ZC3H7A: variants seen among roughly 807,000 people sequenced by gnomAD.
ZC3H7A encodes the protein zinc finger CCCH domain-containing protein 7A.
ZC3H7A carries 44 observed loss-of-function variants against 125.5 expected under a neutral mutation model. The ratio of observed to expected loss-of-function variants is 0.35; its 90% CI spans 0.28 to 0.45. ZC3H7A has a LOEUF of 0.45. Among genes scored for constraint, ZC3H7A ranks in the 20% least tolerant of loss-of-function variants. The probability of loss-of-function intolerance (pLI) is 1.00; values close to 1 mark genes in which losing one functional copy is unlikely to be tolerated. For missense variants in ZC3H7A, 977 were observed against 1,170.7 expected (o/e 0.83, Z 2.41); for synonymous variants, 399 against 391.2 (o/e 1.02, Z -0.23).
rs922374303 is a variant in ZC3H7A at position 11,783,982 on chromosome 16, A to AG, written c.-34-1595dup. Among the ~76,000 whole-genome samples, 426 of 133,612 alleles carry AG rather than the reference A, an allele frequency of 3.2e-3. 2 individuals are homozygous for AG. The highest frequency in any genetic ancestry group is 9.6e-3 in the African/African-American group (357 of 37,130). 87.7% of individuals were successfully genotyped at this position (133,612 alleles called of 152,430 possible). On this transcript the variant is annotated intron_variant, in intron 1 of 22. Transcript: ENST00000355758. ...TAAAATACTCCAGTAACAACAAAAAAGGGGGGGGCTGTGAGGTGGGGAGGA... is the reference window on the plus strand; with the variant it reads ...TAAAATACTCCAGTAACAACAAAAAAGGGGGGGGGCTGTGAGGTGGGGAGGA...
intron 1 of ZC3H7A, among the ~76,000 whole-genome samples, chr16:11,790,227 A>C (rs897631769): frequency 1.8e-4 from 28 of 152,316 alleles, no homozygotes; most frequent in African/African-American, 6.5e-4. Context: ...CCAGGCATCA[A>C]ATGTGTGCAT....
intron 9 of ZC3H7A, among the ~76,000 whole-genome samples, chr16:11,772,305 G>C (rs1310266034): frequency 6.6e-6 from 1 of 151,660 alleles, no homozygotes; most frequent in Non-Finnish European, 1.5e-5. Flanking sequence ...TGAAGATTGA[G>C]ACAACCTCTC....
chr16:11,769,710 CA>C (rs529124830), intron 10 of ZC3H7A, among the ~76,000 whole-genome samples: 78 of 32,552 alleles, frequency 2.4e-3, no homozygotes, highest in Admixed American at 4.7e-3. Flanking sequence ...GACTCTGTCT[CA>C]AAAAAAAAAA....
chr16:11,769,002 G>A (rs201263197), intron 11 of ZC3H7A, 29 bp downstream of exon 11: 1 of 1,575,508 alleles, frequency 6.3e-7, no homozygotes, highest in African/African-American at 1.4e-5. Flanking sequence ...TTCAAGCGAT[G>A]TATTTACAAA....
intron 1 of ZC3H7A, among the ~76,000 whole-genome samples, chr16:11,789,399 C>T (rs373044366): frequency 1.1e-4 from 17 of 152,124 alleles, no homozygotes; most frequent in African/African-American, 3.9e-4. Context: ...GGATTACAGG[C>T]GCACGTCACC....
chr16:11,768,400 T>G lies in ZC3H7A; in HGVS notation c.1275A>C (p.Lys425Asn). The G allele has an allele frequency of 1.3e-6, 2 of 1,598,272 alleles. No individual in the cohort carries two copies. The highest frequency in any genetic ancestry group is 1.7e-6 in the Non-Finnish European group (2 of 1,169,852). ...FGNFFGSAVT[K>N]PSSSVTPRHP... ...GTCTTGGAGTCACTGATGAAGATGG[T>G]TTGGTAACTGCACTTCCAAAAAAGT... Residue 425 changes from lysine to asparagine, a missense_variant, in exon 12 of 23, where the codon AAA (lysine) becomes AAC (asparagine). Coordinates refer to ENST00000355758, the MANE Select transcript of ZC3H7A (RefSeq NM_014153.4).
At chr16:11,776,423 AAC>A in intron 6 of ZC3H7A, 27 bp downstream of exon 6, 1 of 1,600,934 alleles carries the variant, frequency 6.2e-7, no homozygotes. Context: ...ACAAAATGAA[AAC>A]ACCTTATGCA....
rs1250487760 is a variant in ZC3H7A, at chr16:11,756,384, A to G, written c.2429-14T>C. 6.2e-7 allele frequency: 1 copy of G among 1,605,528 alleles called. No homozygotes were observed. Among genetic ancestry groups the G allele is most frequent in the South Asian group, 1.1e-5 (1 of 89,076 alleles). ...CCATATCTTGTACTAAAGAAAAATG[A>G]ATTACTTTCAGCAGCAGCAACTAAA... On this transcript the variant is annotated splice_polypyrimidine_tract_variant and intron_variant, in intron 20 of 22. Coordinates refer to ENST00000355758, the MANE Select transcript of ZC3H7A (RefSeq NM_014153.4).
chr16:11,758,267 C>T (rs577809940), intron 20 of ZC3H7A, among the ~76,000 whole-genome samples, 164 bp downstream of exon 20: 14 of 152,316 alleles, frequency 9.2e-5, no homozygotes, highest in African/African-American at 3.4e-4. Flanking sequence ...TGAGGCTGTG[C>T]CCACATTTTC....
chr16:11,793,901 T>A (rs1029158753), intron 1 of ZC3H7A, among the ~76,000 whole-genome samples: 1 of 152,222 alleles, frequency 6.6e-6, no homozygotes, highest in Non-Finnish European at 1.5e-5. Flanking sequence ...GCTGGAGTTC[T>A]TCCCCCCACA....
intron 1 of ZC3H7A, among the ~76,000 whole-genome samples, chr16:11,787,330 A>C (rs1260871693): frequency 6.6e-6 from 1 of 152,118 alleles, no homozygotes; most frequent in Non-Finnish European, 1.5e-5. Flanking sequence ...ATAGACCATT[A>C]ACTGTCACTC....
chr16:11,760,312 A>G (rs1438880750), intron 19 of ZC3H7A, among the ~76,000 whole-genome samples: 2 of 152,126 alleles, frequency 1.3e-5, no homozygotes, highest in Non-Finnish European at 2.9e-5. Context: ...TCATTTTATC[A>G]AAGTACTTGA....
chr16:11,768,206 G>T, intron 12 of ZC3H7A, 109 bp downstream of exon 12: 1 of 1,123,624 alleles, frequency 8.9e-7, no homozygotes, highest in Non-Finnish European at 1.2e-6. Context: ...AATAGGGATT[G>T]AAGAACCATA....
At chr16:11,786,163 C>T (rs1296199631) in intron 1 of ZC3H7A, among the ~76,000 whole-genome samples, 1 of 152,172 alleles carries the variant, frequency 6.6e-6, no homozygotes, top group Non-Finnish European at 1.5e-5. Flanking sequence ...ATCCTCTGAG[C>T]CCTTCCTTGG....
chr16:11,770,696 C>G (rs1178802393), intron 10 of ZC3H7A, 87 bp downstream of exon 10: 2 of 1,218,350 alleles, frequency 1.6e-6, no homozygotes, highest in African/African-American at 3.0e-5. Flanking sequence ...TGTCTACTAC[C>G]TAGAGTCAGT....
intron 1 of ZC3H7A, among the ~76,000 whole-genome samples, chr16:11,785,919 G>A (rs368004326): frequency 5.5e-4 from 83 of 152,092 alleles, no homozygotes; most frequent in African/African-American, 1.7e-3. Flanking sequence ...GCGCCTGGCC[G>A]TTTTGTGTTT....
At chr16:11,783,321 A>T (rs62040626) in intron 1 of ZC3H7A, among the ~76,000 whole-genome samples, 34,646 of 152,086 alleles carry the variant, frequency 0.23, 4,988 homozygotes, top group African/African-American at 0.4. Flanking sequence ...ATGTCAACAC[A>T]TATCATTCTT....
At chr16:11,766,877 T>C (rs895755340) in intron 13 of ZC3H7A, among the ~76,000 whole-genome samples, 4 of 152,150 alleles carry the variant, frequency 2.6e-5, no homozygotes, top group African/African-American at 9.7e-5. Flanking sequence ...AATGAGACTC[T>C]GTCTCAAAAA....
intron 19 of ZC3H7A, among the ~76,000 whole-genome samples, chr16:11,761,167 C>T (rs2052745905): frequency 6.6e-6 from 1 of 152,120 alleles, no homozygotes; most frequent in Admixed American, 6.6e-5. Flanking sequence ...ATAACTTTTC[C>T]TCAGATCCAC....
Sources: gnomAD v4.1 joint callset for allele counts (sites outside exome capture counted in the v4.1 genomes callset) on GRCh38, gnomAD v4.1.1 for gene constraint, MANE v1.5 for transcripts, NCBI Gene and HGNC (gene_info 2026-07-23, HGNC 2026-07-21) for gene names.